KLHL12: variants seen among roughly 807,000 people sequenced by gnomAD.
KLHL12 encodes kelch-like protein 12.
In KLHL12, 17 loss-of-function variants were observed where a neutral mutation model predicts 60.8. That is an observed-to-expected ratio of 0.28 (90% confidence interval 0.19 to 0.42). The LOEUF (loss-of-function observed/expected upper bound fraction) is 0.42, where lower values mean the gene tolerates loss of function less well. KLHL12 is among the 10% of genes least tolerant of loss of function. The pLI is 1.00. For missense variants in KLHL12, 468 were observed against 722.3 expected (o/e 0.65, Z 4.04); for synonymous variants, 220 against 250.9 (o/e 0.88, Z 1.16).
Position 202,891,265 on chromosome 1 carries a change from C to G in KLHL12, c.*1268G>C, listed in dbSNP as rs1297604099. 6.6e-6 allele frequency: 1 copy of G among 152,598 alleles called. No homozygotes were observed. Among genetic ancestry groups the G allele is most frequent in the Non-Finnish European group, 1.5e-5 (1 of 68,032 alleles). 9.5% of individuals were successfully genotyped at this position (152,598 alleles called of 1,614,324 possible). Reference sequence around the variant, plus strand: ...ATCACATTCCCACACTCCTAATACCCACAAAACAAGAATTTCACTCCATGA... The same window carrying G: ...ATCACATTCCCACACTCCTAATACCGACAAAACAAGAATTTCACTCCATGA... On this transcript the variant is annotated 3_prime_UTR_variant, in exon 12 of 12. Coordinates refer to ENST00000367261, the MANE Select transcript of KLHL12 (RefSeq NM_021633.4).
At chr1:202,906,519 T>G (rs1273124427) in intron 6 of KLHL12, among the ~76,000 whole-genome samples, 1 of 151,516 alleles carries the variant, frequency 6.6e-6, no homozygotes, top group Non-Finnish European at 1.5e-5. Context: ...GGGAGTTTAT[T>G]GTTTAATGGG....
chr1:202,892,219 T>TA lies in KLHL12; in HGVS notation c.*313dup, dbSNP rs1441466240. On this transcript the variant is annotated 3_prime_UTR_variant, in exon 12 of 12. Coordinates refer to ENST00000367261, the MANE Select transcript of KLHL12 (RefSeq NM_021633.4). ...TGCAACATATGAGGCACAACATACA[T>TA]ATAGTACACCAAGCATGTGGTAAGT... The TA allele has an allele frequency of 3.5e-6, 1 of 289,550 alleles. No individual in the cohort carries two copies. The highest frequency in any genetic ancestry group is 6.6e-6 in the Non-Finnish European group (1 of 150,564). The allele number at this position is 289,550 out of a possible 1,614,324, so 17.9% of individuals were successfully genotyped here.
chr1:202,918,149 T>A (rs781637499), intron 4 of KLHL12, 22 bp downstream of exon 4: 1 of 1,569,398 alleles, frequency 6.4e-7, no homozygotes. Flanking sequence ...GAAGAAACCA[T>A]AACATCAAGA....
chr1:202,907,184 T>C (rs544238342), intron 6 of KLHL12, among the ~76,000 whole-genome samples: 1 of 152,318 alleles, frequency 6.6e-6, no homozygotes, highest in South Asian at 2.1e-4. Flanking sequence ...ATCTAAAAGT[T>C]CTCTTTTTAA....
At chr1:202,912,119 T>C in intron 4 of KLHL12, 1 of 836,010 alleles carries the variant, frequency 1.2e-6, no homozygotes. Context: ...GGTGCTCACT[T>C]AACTGTGAAA....
At chr1:202,911,313 T>C (rs1325014955) in intron 4 of KLHL12, 110 bp from the exon 5 acceptor site, 7 of 1,203,962 alleles carry the variant, frequency 5.8e-6, no homozygotes, top group Non-Finnish European at 8.3e-6. Flanking sequence ...CCCACCACCA[T>C]TATTTCCCAT....
chr1:202,895,493 G>C lies in KLHL12; in HGVS notation c.1135+29C>G. Reference sequence around the variant, plus strand: ...ACCCTGGTCCAGCCACAGTAAGATGGAAATAATTGCCCTGCACATCCAGCC... The same window carrying C: ...ACCCTGGTCCAGCCACAGTAAGATGCAAATAATTGCCCTGCACATCCAGCC... On this transcript the variant is annotated intron_variant, in intron 8 of 11. Coordinates refer to ENST00000367261, the MANE Select transcript of KLHL12 (RefSeq NM_021633.4). The surrounding 1 kb of genome is among the most constrained non-coding windows in gnomAD (Gnocchi z 4.2). The C allele has an allele frequency of 1.3e-6, 2 of 1,596,208 alleles. No individual in the cohort carries two copies. Among genetic ancestry groups the C allele is most frequent in the Non-Finnish European group, 1.7e-6 (2 of 1,169,770 alleles).
chr1:202,894,059 A>T (rs1659755204), intron 10 of KLHL12, 125 bp downstream of exon 10: 1 of 587,834 alleles, frequency 1.7e-6, no homozygotes, highest in Admixed American at 3.2e-5. Flanking sequence ...TAGAGAAAAC[A>T]GAGACAAGGA....
chr1:202,902,780 A>C (rs922247250), intron 6 of KLHL12, among the ~76,000 whole-genome samples: 1 of 152,124 alleles, frequency 6.6e-6, no homozygotes, highest in Admixed American at 6.5e-5. Flanking sequence ...ACATGAACCC[A>C]GGAGATCAAG....
intron 8 of KLHL12, 120 bp from the exon 9 acceptor site, chr1:202,894,869 A>G: frequency 3.9e-6 from 3 of 771,752 alleles, no homozygotes; most frequent in Non-Finnish European, 2.1e-6. Context: ...GTATTTTTAA[A>G]TGAGATAAGT....
At chr1:202,913,946 A>G (rs944918779) in intron 4 of KLHL12, among the ~76,000 whole-genome samples, 3 of 152,204 alleles carry the variant, frequency 2.0e-5, no homozygotes, top group Admixed American at 6.5e-5. Context: ...ACCAGACACT[A>G]TAGATATAGA....
chr1:202,927,307 G>T (rs77487821), upstream of KLHL12: 543 of 978,948 alleles, frequency 5.5e-4, 1 homozygote, highest in Admixed American at 1.9e-3. Flanking sequence ...CAGAGTCTGC[G>T]TCACGTGAGG....
At chr1:202,923,563 G>T (rs924955126) in intron 2 of KLHL12, among the ~76,000 whole-genome samples, 1 of 152,194 alleles carries the variant, frequency 6.6e-6, no homozygotes, top group Non-Finnish European at 1.5e-5. Flanking sequence ...ATACTTCGGA[G>T]GCTAAGGCGG....
chr1:202,912,362 G>A, intron 4 of KLHL12: 1 of 794,800 alleles, frequency 1.3e-6, no homozygotes, highest in South Asian at 1.3e-5. Flanking sequence ...CCCTGTCAAA[G>A]TAAGAGATGG....
rs1463889128 is a variant in KLHL12, at chr1:202,894,699, T to C, written c.1186A>G (p.Met396Val). ...TCAATGTTTGGATCATAGCGCTCCATACTGGTGTGACGCCTGCTTCCATCA... is the reference window on the plus strand; with the variant it reads ...TCAATGTTTGGATCATAGCGCTCCACACTGGTGTGACGCCTGCTTCCATCA... ...GFDGSRRHTS[M>V]ERYDPNIDQW... The change falls in exon 9 of 12, where the codon ATG becomes GTG. Residue 396 changes from methionine to valine, a missense_variant. Physicochemically the swap from Met to Val is conservative, Grantham distance 21 (BLOSUM62 1). This residue lies in a region of KLHL12 where 339 missense variants were observed against 525.0 expected (regional missense o/e 0.65). Transcript: ENST00000367261. 6 of 1,613,994 alleles carry C rather than the reference T, an allele frequency of 3.7e-6. No individual in the cohort carries two copies. The highest frequency in any genetic ancestry group is 1.1e-5 in the South Asian group (1 of 91,084).
At chr1:202,922,533 C>T (rs1363628411) in intron 2 of KLHL12, among the ~76,000 whole-genome samples, 1 of 151,122 alleles carries the variant, frequency 6.6e-6, no homozygotes, top group East Asian at 1.9e-4. Flanking sequence ...GTCACCCAGG[C>T]TGGAGTGCAG....
intron 4 of KLHL12, chr1:202,912,719 C>A (rs1386039934): frequency 1.4e-6 from 2 of 1,396,538 alleles, no homozygotes; most frequent in Non-Finnish European, 2.0e-6. Context: ...ATGGCAGTGG[C>A]AGAAGATTTT....
chr1:202,900,592 G>T (rs1435048078), intron 6 of KLHL12, among the ~76,000 whole-genome samples: 1 of 151,654 alleles, frequency 6.6e-6, no homozygotes, highest in Non-Finnish European at 1.5e-5. Context: ...GGCTGGGCGT[G>T]GTGGCTCACG....
intron 6 of KLHL12, among the ~76,000 whole-genome samples, chr1:202,900,035 G>C (rs1009366556): frequency 1.3e-5 from 2 of 152,008 alleles, no homozygotes; most frequent in African/African-American, 4.8e-5. Flanking sequence ...GACTTGAATA[G>C]ACAAGGTAAG....
Sources: gnomAD v4.1 joint callset for allele counts (sites outside exome capture counted in the v4.1 genomes callset) on GRCh38, gnomAD v4.1.1 for gene constraint, gnomAD v4.1.1 regional missense constraint, Gnocchi (gnomAD v3.1) non-coding constraint, MANE v1.5 for transcripts, NCBI Gene and HGNC (gene_info 2026-07-23, HGNC 2026-07-21) for gene names.